Variants in ST6GALNAC5 observed in about 807,000 individuals in gnomAD.
The protein encoded by ST6GALNAC5 is alpha-N-acetylgalactosaminide alpha-2,6-sialyltransferase 5.
Under a neutral mutation model 33.6 loss-of-function variants are expected in ST6GALNAC5, and 27 were observed. That is an observed-to-expected ratio of 0.80 (90% CI 0.59 to 1.11). The LOEUF (loss-of-function observed/expected upper bound fraction) is 1.11. Ranked by LOEUF, ST6GALNAC5 falls within the 50% of genes least tolerant of loss-of-function variation. The pLI is 0.00. For synonymous variants in ST6GALNAC5, 194 were observed against 171.2 expected, an observed-to-expected ratio of 1.13 and a Z score of -1.04; for missense variants, 428 against 454.0, an observed-to-expected ratio of 0.94 and a Z score of 0.52.
intron 2 of ST6GALNAC5, among the ~76,000 whole-genome samples, chr1:76,953,668 T>C (rs943919463): frequency 6.6e-6 from 1 of 152,118 alleles, no homozygotes; most frequent in African/African-American, 2.4e-5. Flanking sequence ...GCATAAAAGT[T>C]TCAAATGTTG....
In ST6GALNAC5 at chr1:76,985,702, A is replaced by C. The variant is rs922533104; in HGVS notation, c.262-58502A>C. ...AAAAAAGAGCCCGCATTGCCAAGTA[A>C]ATCCTAAGCAAAAAGAACAAAGCTG... On this transcript the variant is annotated intron_variant, in intron 2 of 4. Transcript: ENST00000477717. Among the ~76,000 whole-genome samples, 3 of 152,222 alleles carry C rather than the reference A, an allele frequency of 2.0e-5. No individual in the cohort carries two copies. The South Asian group carries it at 6.2e-4, about 31-fold the overall frequency.
chr1:76,987,868 G>A (rs1297931117), intron 2 of ST6GALNAC5, among the ~76,000 whole-genome samples: 3 of 152,008 alleles, frequency 2.0e-5, no homozygotes, highest in East Asian at 1.9e-4. Context: ...ATCTTTTTGC[G>A]AAGAACTTCC....
chr1:76,976,076 C>A (rs1304843223), intron 2 of ST6GALNAC5, among the ~76,000 whole-genome samples: 2 of 151,800 alleles, frequency 1.3e-5, no homozygotes, highest in Non-Finnish European at 2.9e-5. Context: ...GCCTGGGCGA[C>A]AAAGCGAGAT....
chr1:77,001,325 T>C (rs1262128498), intron 2 of ST6GALNAC5, among the ~76,000 whole-genome samples: 2 of 120,480 alleles, frequency 1.7e-5, no homozygotes, highest in Non-Finnish European at 3.5e-5. Flanking sequence ...ATGCTTGTGA[T>C]TTTTGTACAT....
intron 2 of ST6GALNAC5, among the ~76,000 whole-genome samples, chr1:76,903,893 T>A (rs1646840575): frequency 6.6e-6 from 1 of 152,028 alleles, no homozygotes; most frequent in South Asian, 2.1e-4. Context: ...AGTAGATTAG[T>A]GATTGCTCAG....
At chr1:76,867,745 G>C (rs1653374511) in intron 1 of ST6GALNAC5, 55 bp downstream of exon 1, 1 of 1,613,768 alleles carries the variant, frequency 6.2e-7, no homozygotes, top group Non-Finnish European at 8.5e-7. Context: ...CGGGCTCAGG[G>C]TCCACGGGAC....
At chr1:76,905,632 G>C (rs753431238) in intron 2 of ST6GALNAC5, among the ~76,000 whole-genome samples, 9 of 152,122 alleles carry the variant, frequency 5.9e-5, no homozygotes, top group Non-Finnish European at 1.3e-4. Context: ...TGAGTTCTGT[G>C]AAATACTAAA....
chr1:77,009,691 C>A (rs562717069), intron 2 of ST6GALNAC5, among the ~76,000 whole-genome samples: 1 of 152,088 alleles, frequency 6.6e-6, no homozygotes, highest in African/African-American at 2.4e-5. Flanking sequence ...TCTCTCCTTG[C>A]GCTTTGTCTC....
intron 2 of ST6GALNAC5, among the ~76,000 whole-genome samples, chr1:76,976,147 A>T (rs1649002400): frequency 6.6e-6 from 1 of 152,086 alleles, no homozygotes; most frequent in African/African-American, 2.4e-5. Flanking sequence ...AGAGACAGAG[A>T]CAGAAAGTGA....
intron 2 of ST6GALNAC5, among the ~76,000 whole-genome samples, chr1:76,968,239 G>A (rs2100360860): frequency 6.6e-6 from 1 of 152,254 alleles, no homozygotes; most frequent in East Asian, 1.9e-4. Flanking sequence ...AGGTCTCTAA[G>A]GACTTGCTTT....
chr1:77,005,196 C>T (rs1038309395), intron 2 of ST6GALNAC5, among the ~76,000 whole-genome samples: 12 of 152,324 alleles, frequency 7.9e-5, no homozygotes, highest in Non-Finnish European at 1.3e-4. Flanking sequence ...TCTGGTGGTG[C>T]GCCATTTTTT....
At chr1:77,038,769 G>A (rs527733059) in intron 2 of ST6GALNAC5, among the ~76,000 whole-genome samples, 1 of 152,276 alleles carries the variant, frequency 6.6e-6, no homozygotes, top group African/African-American at 2.4e-5. Context: ...TCCCAAGAAG[G>A]GATTGCTCCT....
intron 2 of ST6GALNAC5, among the ~76,000 whole-genome samples, chr1:76,961,397 A>C (rs952659424): frequency 1.3e-5 from 2 of 152,174 alleles, no homozygotes; most frequent in African/African-American, 2.4e-5. Flanking sequence ...AAGAAAGAAA[A>C]AAAGACAAGG....
In ST6GALNAC5 at chr1:77,044,274, G is replaced by C; in HGVS notation, c.332G>C (p.Gly111Ala). ...GGGCATCTGCTGCACAGTCGGCAAGGCTCCCAGATTGACCAGACAGAGTGT... is the reference window on the plus strand; with the variant it reads ...GGGCATCTGCTGCACAGTCGGCAAGCCTCCCAGATTGACCAGACAGAGTGT... Reference protein sequence around the residue: ...SSGHLLHSRQGSQIDQTECVI... With the variant: ...SSGHLLHSRQASQIDQTECVI... The change falls in exon 3 of 5, where the codon GGC becomes GCC. Residue 111 changes from glycine (G) to alanine (A), a missense_variant. Transcript: ENST00000477717. 1 of 1,613,964 alleles carries C rather than the reference G, an allele frequency of 6.2e-7. No individual in the cohort carries two copies.
chr1:76,879,972 A>G (rs187611234), intron 2 of ST6GALNAC5, among the ~76,000 whole-genome samples: 1 of 152,228 alleles, frequency 6.6e-6, no homozygotes, highest in African/African-American at 2.4e-5. Flanking sequence ...TGTTTTCCAC[A>G]ATTTCAGCTC....
At chr1:77,033,800 T>C (rs11162253) in intron 2 of ST6GALNAC5, among the ~76,000 whole-genome samples, 3,419 of 151,966 alleles carry the variant, frequency 0.022, 125 homozygotes, top group African/African-American at 0.074. Context: ...GGCCGGAGAA[T>C]AGAGAGTAGG....
chr1:76,935,448 C>T (rs961979730), intron 2 of ST6GALNAC5, among the ~76,000 whole-genome samples: 1 of 151,982 alleles, frequency 6.6e-6, no homozygotes, highest in Non-Finnish European at 1.5e-5. Flanking sequence ...GTAGTGGCAA[C>T]ATTCAGTGAG....
chr1:76,946,664 A>G (rs17099754), intron 2 of ST6GALNAC5, among the ~76,000 whole-genome samples: 2,141 of 152,252 alleles, frequency 0.014, 54 homozygotes, highest in African/African-American at 0.048. Context: ...TGGTCTGTAC[A>G]TGATAAATTT....
At position 76,906,930 on chromosome 1, in the gene ST6GALNAC5, G is replaced by A. The variant is rs369736805; in HGVS notation, c.261+38188G>A. ...CTCATTCTTTTTTCTATTAATCATC[G>A]TTAAGCCAGTTTCCAAAATCAGGCA... On this transcript the variant is annotated intron_variant, in intron 2 of 4. Transcript: ENST00000477717. Among the ~76,000 whole-genome samples, 13 of 151,934 alleles carry A rather than the reference G, an allele frequency of 8.6e-5. No individual in the cohort carries two copies. The East Asian group carries it at 9.7e-4, about 11-fold the overall frequency.
Sources: allele counts gnomAD v4.1 joint callset (sites outside exome capture counted in the v4.1 genomes callset), GRCh38; gene constraint gnomAD v4.1.1; transcripts MANE v1.5; gene names NCBI Gene and HGNC (gene_info 2026-07-23, HGNC 2026-07-21).